Variants in PLA2G2D observed in about 807,000 individuals in gnomAD.
PLA2G2D encodes the protein phospholipase A2 group IID.
Under a neutral mutation model 13.9 loss-of-function variants are expected in PLA2G2D, and 17 were observed. The observed-to-expected ratio is 1.23, with a 90% CI of 0.84 to 1.84. PLA2G2D has a LOEUF of 1.84. Ranked by LOEUF, PLA2G2D falls within the 40% of genes most tolerant of loss-of-function variation. PLA2G2D has a pLI of 0.00. For missense variants in PLA2G2D, 194 were observed against 178.7 expected (o/e 1.09, Z -0.49); for synonymous variants, 83 against 69.3 (o/e 1.20, Z -0.98).
chr1:20,113,750 G>A lies in PLA2G2D; in HGVS notation c.*364C>T. 4.6e-6 allele frequency: 1 copy of A among 215,292 alleles called. No individual in the cohort carries two copies. The highest frequency in any genetic ancestry group is 9.2e-6 in the Non-Finnish European group (1 of 108,392). 13.3% of individuals were successfully genotyped at this position (215,292 alleles called of 1,614,324 possible). On this transcript the variant is annotated 3_prime_UTR_variant, in exon 4 of 4. Transcript: ENST00000375105. Reference sequence around the variant, plus strand: ...AAGATCAATATTGCCCTTTATAGTGGCTGCTGCGGTTGTAGCTCCGAGACT... The same window carrying A: ...AAGATCAATATTGCCCTTTATAGTGACTGCTGCGGTTGTAGCTCCGAGACT...
In PLA2G2D at chr1:20,119,487, T is replaced by G. The variant is rs772432057; in HGVS notation, c.12A>C (p.Ala4=). The G allele has an allele frequency of 6.2e-7, 1 of 1,613,844 alleles. No homozygotes were observed. Among genetic ancestry groups the G allele is most frequent in the Non-Finnish European group, 8.5e-7 (1 of 1,179,900 alleles). The change falls in exon 1 of 4, where the codon GCA becomes GCC. Residue 4 remains alanine (A), a synonymous_variant. Coordinates refer to ENST00000375105, the MANE Select transcript of PLA2G2D (RefSeq NM_012400.4). MEL[A]LLCGLVVMAG... is the part of the protein sequence containing the mutation. ...CCATCACCACCAGCCCACACAGCAG[T>G]GCAAGTTCCATGATCCCAGCACAGA...
intron 2 of PLA2G2D, 112 bp downstream of exon 2, chr1:20,116,221 G>A: frequency 9.0e-7 from 1 of 1,107,542 alleles, no homozygotes; most frequent in Non-Finnish European, 1.4e-6. Flanking sequence ...GCACATAGTA[G>A]ATGCTCAACA....
At chr1:20,117,795 G>A (rs1569872897) in intron 1 of PLA2G2D, among the ~76,000 whole-genome samples, 1 of 152,166 alleles carries the variant, frequency 6.6e-6, no homozygotes, top group East Asian at 1.9e-4. Flanking sequence ...GGCAAATGAA[G>A]TCAATAGTAC....
chr1:20,115,386 C>T (rs2016963112), intron 3 of PLA2G2D, 121 bp downstream of exon 3: 2 of 697,968 alleles, frequency 2.9e-6, no homozygotes, highest in East Asian at 2.6e-5. Context: ...AGCCCAACTG[C>T]AGCCAGTGGA....
intron 2 of PLA2G2D, 58 bp from the exon 3 acceptor site, chr1:20,115,671 G>T: frequency 2.7e-6 from 3 of 1,096,336 alleles, no homozygotes; most frequent in East Asian, 4.7e-5. Context: ...GTCTCTGGCT[G>T]CTCCCCCTAC....
Position 20,115,383 on chromosome 1 carries a change from C to T in PLA2G2D, c.292+124G>A, listed in dbSNP as rs185336237. On this transcript the variant is annotated intron_variant, in intron 3 of 3. Transcript: ENST00000375105. ...CCATTCTTGCCTCTTCACAGCCCAA[C>T]TGCAGCCAGTGGACCCATGCAAAAA... 8.7e-6 allele frequency: 6 copies of T among 693,228 alleles called. No individual in the cohort carries two copies. In the Admixed American group the frequency reaches 1.0e-4, roughly 12 times the overall value. The allele number at this position is 693,228 out of a possible 1,614,324, so 42.9% of individuals were successfully genotyped here. A position where few individuals can be genotyped will look rare whatever the true frequency, so the allele number is the denominator to read the frequency against.
chr1:20,114,025 T>A lies in PLA2G2D; in HGVS notation c.*89A>T. On this transcript the variant is annotated 3_prime_UTR_variant, in exon 4 of 4. Transcript: ENST00000375105. ...AGGCTGGGACTACCTCCCCCCGGAG[T>A]GTTTGAAAAGCCAGGCTGGTTCAGG... 1 of 1,226,432 alleles carries A rather than the reference T, an allele frequency of 8.2e-7. No individual in the cohort carries two copies. The highest frequency in any genetic ancestry group is 1.2e-6 in the Non-Finnish European group (1 of 866,608). 76.0% of individuals were successfully genotyped at this position (1,226,432 alleles called of 1,614,324 possible).
At chr1:20,118,515 G>C (rs755580750) in intron 1 of PLA2G2D, among the ~76,000 whole-genome samples, 1 of 152,114 alleles carries the variant, frequency 6.6e-6, no homozygotes, top group Non-Finnish European at 1.5e-5. Flanking sequence ...CCAAGGGATG[G>C]ACACAGTGGG....
chr1:20,115,061 A>G (rs1334029323), intron 3 of PLA2G2D, among the ~76,000 whole-genome samples: 1 of 152,130 alleles, frequency 6.6e-6, no homozygotes, highest in Non-Finnish European at 1.5e-5. Flanking sequence ...CCTGGTCTGT[A>G]CAATGGAGAT....
At chr1:20,119,419 C>T (rs750125409) in intron 1 of PLA2G2D, 40 bp downstream of exon 1, 3 of 1,571,278 alleles carry the variant, frequency 1.9e-6, no homozygotes, top group Non-Finnish European at 1.8e-6. Flanking sequence ...CACTGGCCTC[C>T]CTCCTTCCCT....
chr1:20,116,644 A>G (rs1230504877), intron 1 of PLA2G2D, among the ~76,000 whole-genome samples, 167 bp from the exon 2 acceptor site: 1 of 152,142 alleles, frequency 6.6e-6, no homozygotes, highest in Non-Finnish European at 1.5e-5. Flanking sequence ...GCGACAGGCC[A>G]GGCACAGTGG....
At chr1:20,117,888 C>G (rs1376406056) in intron 1 of PLA2G2D, among the ~76,000 whole-genome samples, 1 of 152,156 alleles carries the variant, frequency 6.6e-6, no homozygotes, top group East Asian at 1.9e-4. Context: ...AAGAGTGAGA[C>G]CACACACAGG....
In PLA2G2D at chr1:20,113,175, G is replaced by T. The variant is rs985405265; in HGVS notation, c.*939C>A. 1.3e-5 allele frequency: 2 copies of T among 152,352 alleles called. No individual in the cohort carries two copies. The highest frequency in any genetic ancestry group is 4.8e-5 in the African/African-American group (2 of 41,456). The allele number at this position is 152,352 out of a possible 1,614,324, so 9.4% of individuals were successfully genotyped here. On this transcript the variant is annotated 3_prime_UTR_variant, in exon 4 of 4. Transcript: ENST00000375105. ...GGCACAGACATGGTCTCCATCCTTCGGGGGCTCCAGTCTAGTTGGGGGAGA... is the reference window on the plus strand; with the variant it reads ...GGCACAGACATGGTCTCCATCCTTCTGGGGCTCCAGTCTAGTTGGGGGAGA...
intron 1 of PLA2G2D, among the ~76,000 whole-genome samples, chr1:20,116,712 G>A (rs915023243): frequency 6.6e-6 from 1 of 152,104 alleles, no homozygotes; most frequent in Admixed American, 6.5e-5. Context: ...TGCCCAGGCT[G>A]GAATGCAGTG....
At position 20,112,169 on chromosome 1, in the gene PLA2G2D, G is replaced by A. The variant is rs189735588; in HGVS notation, c.*1945C>T. 9 of 152,038 alleles carry A rather than the reference G, an allele frequency of 5.9e-5. No individual in the cohort carries two copies. The highest frequency in any genetic ancestry group is 1.3e-4 in the Admixed American group (2 of 15,266). 9.4% of individuals were successfully genotyped at this position (152,038 alleles called of 1,614,324 possible). On this transcript the variant is annotated 3_prime_UTR_variant, in exon 4 of 4. Transcript: ENST00000375105. ...TTTAGTAGAGACGAGGTTTTGCCAT[G>A]TTGGGCAGGCTGGTCTTGAACTCCT...
chr1:20,113,959 G>T lies in PLA2G2D; in HGVS notation c.*155C>A. ...TGCCTCAACTGGGAGGATTCGGAAA[G>T]CTTCAGAAGGTCAGAAGGCATTGGT... On this transcript the variant is annotated 3_prime_UTR_variant, in exon 4 of 4. Transcript: ENST00000375105. The T allele has an allele frequency of 1.7e-6, 1 of 595,256 alleles. No homozygotes were observed. The highest frequency in any genetic ancestry group is 3.0e-6 in the Non-Finnish European group (1 of 338,584). The allele number at this position is 595,256 out of a possible 1,614,324, so 36.9% of individuals were successfully genotyped here. A position where few individuals can be genotyped will look rare whatever the true frequency, so the allele number is the denominator to read the frequency against.
intron 3 of PLA2G2D, among the ~76,000 whole-genome samples, chr1:20,114,746 A>G (rs1463146468): frequency 6.6e-6 from 1 of 152,180 alleles, no homozygotes; most frequent in Non-Finnish European, 1.5e-5. Context: ...TCACAGTTTC[A>G]TTATCCATGA....
chr1:20,114,199 C>G lies in PLA2G2D; in HGVS notation c.353G>C (p.Cys118Ser). 1 of 1,614,096 alleles carries G rather than the reference C, an allele frequency of 6.2e-7. No individual in the cohort carries two copies. Among genetic ancestry groups the G allele is most frequent in the South Asian group, 1.1e-5 (1 of 91,088 alleles). The change falls in exon 4 of 4, where the codon TGC becomes TCC. Residue 118 changes from cysteine to serine, a missense_variant. By Grantham distance (112) the Cys-to-Ser change is moderately radical. Transcript: ENST00000375105. The stretch of plus-strand genomic sequence containing the variant: ...GTAGGTGTCCAGGTTGCGCTTCAGG[C>G]AGAAGGCCACCTCCTTGTCACAGGC... ...LCACDKEVAFCLKRNLDTYQK... is the reference protein window; with the variant it reads ...LCACDKEVAFSLKRNLDTYQK...
At chr1:20,116,548 G>C in intron 1 of PLA2G2D, 71 bp from the exon 2 acceptor site, 1 of 1,460,396 alleles carries the variant, frequency 6.8e-7, no homozygotes, top group Non-Finnish European at 9.6e-7. Context: ...GGCACAGGAC[G>C]GCACCTCTGC....
Sources: gnomAD v4.1 joint callset for allele counts (sites outside exome capture counted in the v4.1 genomes callset) on GRCh38, gnomAD v4.1.1 for gene constraint, MANE v1.5 for transcripts, NCBI Gene and HGNC (gene_info 2026-07-23, HGNC 2026-07-21) for gene names.